IHO1: variants seen among roughly 807,000 people sequenced by gnomAD.
IHO1 encodes interactor of HORMAD1 protein 1.
A neutral mutation model predicts 31.0 loss-of-function variants in IHO1; 13 were observed. That is an observed-to-expected ratio of 0.42 (90% confidence interval 0.27 to 0.67). IHO1 has a LOEUF of 0.67. Ranked by LOEUF, IHO1 falls within the 30% of genes least tolerant of loss-of-function variation. The probability of loss-of-function intolerance (pLI) is 0.24; values close to 1 mark genes in which losing one functional copy is unlikely to be tolerated. For missense variants in IHO1, 599 were observed against 687.5 expected, an observed-to-expected ratio of 0.87 and a Z score of 1.44; for synonymous variants, 221 against 248.4, an observed-to-expected ratio of 0.89 and a Z score of 1.04.
At chr3:49,224,840 G>A (rs2046399396) in intron 2 of IHO1, among the ~76,000 whole-genome samples, 1 of 152,254 alleles carries the variant, frequency 6.6e-6, no homozygotes, top group South Asian at 2.1e-4. Flanking sequence ...AAGTGGCAGG[G>A]TTGAGGGCTA....
At chr3:49,226,036 A>G (rs1311371130) in intron 2 of IHO1, among the ~76,000 whole-genome samples, 1 of 152,162 alleles carries the variant, frequency 6.6e-6, no homozygotes, top group African/African-American at 2.4e-5. Flanking sequence ...ACATAAGTGA[A>G]GGGGCAGCTC....
chr3:49,256,322 A>G lies in IHO1; in HGVS notation c.825A>G (p.Pro275=). ...AAGACAGTGCTTCTCAGACGTCGCC[A>G]CCTTTGGCCCAGAGCCTCAATCTCA... ...PVKDSASQTS[P]PLAQSLNLTR... is the part of the protein sequence containing the mutation. The change falls in exon 8 of 8, where the codon CCA becomes CCG. Residue 275 remains proline (P), a synonymous_variant. Coordinates refer to ENST00000452691, the MANE Select transcript of IHO1 (RefSeq NM_001135197.2). The surrounding 1 kb of genome is among the most constrained non-coding windows in gnomAD (Gnocchi z 4.6). The G allele has an allele frequency of 1.2e-6, 2 of 1,614,146 alleles. No individual in the cohort carries two copies. The highest frequency in any genetic ancestry group is 1.7e-6 in the Non-Finnish European group (2 of 1,180,032).
intron 2 of IHO1, among the ~76,000 whole-genome samples, chr3:49,225,885 A>G (rs536838434): frequency 6.6e-6 from 1 of 152,254 alleles, no homozygotes; most frequent in South Asian, 2.1e-4. Flanking sequence ...CCCAGGGCTC[A>G]GTGAGGGTGA....
intron 2 of IHO1, among the ~76,000 whole-genome samples, chr3:49,227,249 C>T (rs528337759): frequency 2.6e-5 from 4 of 152,228 alleles, no homozygotes; most frequent in East Asian, 1.9e-4. Flanking sequence ...CAGAGAATAT[C>T]GGGGCCAGGC....
At chr3:49,228,465 TAGAAC>T (rs1289225461) in intron 2 of IHO1, 2 of 338,158 alleles carry the variant, frequency 5.9e-6, no homozygotes, top group East Asian at 1.8e-4. Flanking sequence ...TAAGGAAAAA[TAGAAC>T]AGAATAGCAA....
intron 1 of IHO1, among the ~76,000 whole-genome samples, chr3:49,204,560 CT>C (rs1445624822): frequency 1.3e-5 from 2 of 152,074 alleles, no homozygotes; most frequent in East Asian, 3.9e-4. Flanking sequence ...CTGAAAGGGG[CT>C]TTTTCTGAGA....
chr3:49,204,500 A>G (rs988121179), intron 1 of IHO1, among the ~76,000 whole-genome samples: 1 of 152,148 alleles, frequency 6.6e-6, no homozygotes, highest in African/African-American at 2.4e-5. Context: ...GATCCCCCCA[A>G]AATTTTATAC....
At chr3:49,221,342 T>C (rs2046353488) in intron 2 of IHO1, among the ~76,000 whole-genome samples, 1 of 152,076 alleles carries the variant, frequency 6.6e-6, no homozygotes, top group Non-Finnish European at 1.5e-5. Flanking sequence ...ATCCTTTAGC[T>C]ATACACATAG....
chr3:49,194,016 C>A (rs1248646525), upstream of IHO1, among the ~76,000 whole-genome samples: 3 of 147,334 alleles, frequency 2.0e-5, no homozygotes, highest in Non-Finnish European at 4.5e-5. Context: ...ACGTCTGTAG[C>A]CCCAGCACTT....
At chr3:49,212,697 T>C (rs1436860216) in intron 2 of IHO1, among the ~76,000 whole-genome samples, 1 of 152,098 alleles carries the variant, frequency 6.6e-6, no homozygotes, top group Non-Finnish European at 1.5e-5. Flanking sequence ...TTGGATGTGT[T>C]TGGAGTTTCT....
At chr3:49,195,513 A>T (rs2045991556), upstream of IHO1, among the ~76,000 whole-genome samples, 2 of 148,970 alleles carry the variant, frequency 1.3e-5, no homozygotes, top group African/African-American at 5.0e-5. Context: ...GTCAGGAGAT[A>T]GAGACCATCC....
intron 1 of IHO1, among the ~76,000 whole-genome samples, chr3:49,209,930 A>T (rs930874774): frequency 6.6e-6 from 1 of 151,274 alleles, no homozygotes; most frequent in Non-Finnish European, 1.5e-5. Flanking sequence ...GTTAACCAGG[A>T]TAGTCTCGAT....
At chr3:49,197,147 A>AT (rs71077772), upstream of IHO1, among the ~76,000 whole-genome samples, 88,380 of 126,854 alleles carry the variant, frequency 0.7, 31,222 homozygotes, top group East Asian at 0.96. Context: ...CAGCCGGCTA[A>AT]TTTTTTTTTT....
chr3:49,196,225 T>C (rs1322496182), upstream of IHO1, among the ~76,000 whole-genome samples: 1 of 100,186 alleles, frequency 1.0e-5, no homozygotes, highest in Admixed American at 1.1e-4. Flanking sequence ...TAAGACTCCG[T>C]CACAAAAAAA....
intron 2 of IHO1, among the ~76,000 whole-genome samples, chr3:49,220,280 A>G (rs2046338163): frequency 6.6e-6 from 1 of 152,218 alleles, no homozygotes; most frequent in Non-Finnish European, 1.5e-5. Context: ...TTTCCGGCTC[A>G]GGCAATTCCC....
At chr3:49,244,224 ACT>A (rs1170365227) in intron 4 of IHO1, among the ~76,000 whole-genome samples, 178 bp from the exon 5 acceptor site, 7 of 150,554 alleles carry the variant, frequency 4.6e-5, no homozygotes, top group South Asian at 4.2e-4. Flanking sequence ...AGATGCTGGG[ACT>A]CTCTTTTTTT....
intron 1 of IHO1, among the ~76,000 whole-genome samples, chr3:49,202,705 T>A (rs2046084960): frequency 1.3e-5 from 2 of 151,412 alleles, no homozygotes; most frequent in Admixed American, 1.3e-4. Flanking sequence ...AGATAGAGTC[T>A]CGCTCTCTCA....
intron 6 of IHO1, among the ~76,000 whole-genome samples, chr3:49,255,007 G>T (rs923924788): frequency 1.3e-5 from 2 of 151,218 alleles, no homozygotes; most frequent in African/African-American, 4.9e-5. Context: ...AAGTTGCAGT[G>T]AACCAAGATC....
rs2046673432 is a variant in IHO1, at chr3:49,244,658, G to T, written c.457G>T (p.Val153Leu). The change falls in exon 6 of 8, where the codon GTG becomes TTG. Residue 153 changes from valine (V) to leucine (L), a missense_variant. By Grantham distance (32) the Val-to-Leu change is conservative. Coordinates refer to ENST00000452691, the MANE Select transcript of IHO1 (RefSeq NM_001135197.2). ...TTGGGTTTCTTAGTTGCAGACGTCT[G>T]TGGAAAAGTCTGAGGACCATCTCAG... ...RESILRLQTS[V>L]EKSEDHLSSR... 1.9e-6 allele frequency: 3 copies of T among 1,612,950 alleles called. No individual in the cohort carries two copies. The highest frequency in any genetic ancestry group is 2.5e-6 in the Non-Finnish European group (3 of 1,178,966).
Sources: allele counts gnomAD v4.1 joint callset (sites outside exome capture counted in the v4.1 genomes callset), GRCh38; gene constraint gnomAD v4.1.1; non-coding constraint Gnocchi (gnomAD v3.1); transcripts MANE v1.5; gene names NCBI Gene and HGNC (gene_info 2026-07-23, HGNC 2026-07-21).